ALPK2: variants seen among roughly 807,000 people sequenced by gnomAD.
The protein encoded by ALPK2 is alpha kinase 2.
ALPK2 carries 127 observed loss-of-function variants against 163.1 expected under a neutral mutation model. That is an observed-to-expected ratio of 0.78 (90% CI 0.67 to 0.90). The LOEUF (loss-of-function observed/expected upper bound fraction) is 0.90, where lower values mean the gene tolerates loss of function less well. Among genes scored for constraint, ALPK2 ranks in the 40% least tolerant of loss-of-function variants. ALPK2 has a pLI of 0.00. For missense variants in ALPK2, 2,360 were observed against 2,589.6 expected (o/e 0.91, Z 1.92); for synonymous variants, 953 against 959.1 (o/e 0.99, Z 0.12).
chr18:58,575,981 A>G (rs181804834), intron 4 of ALPK2, among the ~76,000 whole-genome samples: 1 of 152,318 alleles, frequency 6.6e-6, no homozygotes, highest in African/African-American at 2.4e-5. Context: ...CATGCTAAAA[A>G]CGGTATGCAG....
intron 4 of ALPK2, among the ~76,000 whole-genome samples, chr18:58,572,751 T>A (rs1602223967): frequency 6.6e-6 from 1 of 152,118 alleles, no homozygotes; most frequent in Non-Finnish European, 1.5e-5. Flanking sequence ...TTATTAAGGG[T>A]AATGCAAGGG....
intron 4 of ALPK2, among the ~76,000 whole-genome samples, chr18:58,577,517 C>T (rs1215169192): frequency 6.6e-6 from 1 of 152,192 alleles, no homozygotes; most frequent in African/African-American, 2.4e-5. Flanking sequence ...TTAACATTGT[C>T]ACTTTATTTT....
intron 3 of ALPK2, among the ~76,000 whole-genome samples, chr18:58,581,926 C>A (rs903072364): frequency 6.6e-6 from 1 of 152,230 alleles, no homozygotes; most frequent in Non-Finnish European, 1.5e-5. Context: ...CTCTTCCCCA[C>A]TGAAGGGACC....
In ALPK2 at chr18:58,537,999, G is replaced by C; in HGVS notation, c.2188C>G (p.Pro730Ala). The C allele has an allele frequency of 6.2e-7, 1 of 1,614,180 alleles. No homozygotes were observed. Among genetic ancestry groups the C allele is most frequent in the Non-Finnish European group, 8.5e-7 (1 of 1,180,026 alleles). Residue 730 changes from proline to alanine, a missense_variant, in exon 5 of 13, where the codon CCT (proline) becomes GCT (alanine). Transcript: ENST00000361673. ...TTTAGGTCTTCCCTGAAATTGTCAGGTATGTTGCCATCTCTGTCTTGTTTT... is the reference window on the plus strand; with the variant it reads ...TTTAGGTCTTCCCTGAAATTGTCAGCTATGTTGCCATCTCTGTCTTGTTTT... ...EEKQDRDGNI[P>A]DNFREDLKYE...
intron 4 of ALPK2, among the ~76,000 whole-genome samples, chr18:58,560,729 C>G (rs138381114): frequency 1.3e-5 from 2 of 152,216 alleles, no homozygotes; most frequent in African/African-American, 4.8e-5. Context: ...CATACTGTTA[C>G]GTGGGCATGG....
At chr18:58,527,647 A>C (rs1344387624) in intron 6 of ALPK2, among the ~76,000 whole-genome samples, 1 of 152,252 alleles carries the variant, frequency 6.6e-6, no homozygotes, top group East Asian at 1.9e-4. Context: ...TCAGAAAATA[A>C]TTTAAAATGA....
chr18:58,588,838 A>G (rs1338151083), intron 3 of ALPK2, among the ~76,000 whole-genome samples: 1 of 152,058 alleles, frequency 6.6e-6, no homozygotes, highest in East Asian at 1.9e-4. Context: ...TCTATTGTTG[A>G]TGGGCATTTG....
chr18:58,517,529 G>A (rs1171291077), intron 8 of ALPK2, among the ~76,000 whole-genome samples: 1 of 152,034 alleles, frequency 6.6e-6, no homozygotes, highest in Non-Finnish European at 1.5e-5. Context: ...TGTAGAGGAG[G>A]GAAGAAAGAC....
chr18:58,546,692 T>A (rs1298061804), intron 4 of ALPK2, among the ~76,000 whole-genome samples: 1 of 152,120 alleles, frequency 6.6e-6, no homozygotes, highest in African/African-American at 2.4e-5. Flanking sequence ...GCGGGGACCA[T>A]GTAATGGCAA....
chr18:58,556,683 G>C (rs545209530), intron 4 of ALPK2, among the ~76,000 whole-genome samples: 8 of 152,108 alleles, frequency 5.3e-5, no homozygotes, highest in Non-Finnish European at 1.2e-4. Flanking sequence ...AGAAATGCAT[G>C]GTCTCAGGCT....
Position 58,536,384 on chromosome 18 carries a change from AT to A in ALPK2, c.3802del (p.Ile1268PhefsTer12). On this transcript the variant is annotated frameshift_variant, in exon 5 of 13. Coordinates refer to ENST00000361673, the MANE Select transcript of ALPK2 (RefSeq NM_052947.4). ...AGGTACAGCCCAGACCTTGTCAGGA[AT>A]TATGAGACCACCGTCTGATGCCTTG... ...ESKASDGGLI[I>X]PDKVWAVPDS... The A allele has an allele frequency of 6.2e-7, 1 of 1,614,218 alleles. No homozygotes were observed. The highest frequency in any genetic ancestry group is 8.5e-7 in the Non-Finnish European group (1 of 1,180,024).
intron 4 of ALPK2, among the ~76,000 whole-genome samples, chr18:58,566,138 A>T (rs1602221488): frequency 6.6e-6 from 1 of 152,228 alleles, no homozygotes; most frequent in South Asian, 2.1e-4. Flanking sequence ...ATTTTGAAAA[A>T]TTTTTTCAGT....
chr18:58,516,807 T>C (rs540144561), intron 9 of ALPK2, 101 bp downstream of exon 9: 1 of 1,369,142 alleles, frequency 7.3e-7, no homozygotes, highest in African/African-American at 1.4e-5. Flanking sequence ...AAAAACACCC[T>C]TTTGAAGATA....
chr18:58,535,646 T>C lies in ALPK2; in HGVS notation c.4541A>G (p.Gln1514Arg), dbSNP rs200845829. Residue 1514 changes from glutamine to arginine, a missense_variant, in exon 5 of 13, where the codon CAA becomes CGA. Transcript: ENST00000361673. Reference protein sequence around the residue: ...IPSGCSIGQIQESSDGSLGEA... With the variant: ...IPSGCSIGQIRESSDGSLGEA... ...CCCTAAGCTCCCATCACTGCTTTCT[T>C]GTATTTGGCCTATGCTACATCCACT... The C allele has an allele frequency of 6.2e-7, 1 of 1,614,262 alleles. No individual in the cohort carries two copies. The highest frequency in any genetic ancestry group is 2.2e-5 in the East Asian group (1 of 44,892).
At chr18:58,605,085 T>C (rs1480187248) in intron 3 of ALPK2, among the ~76,000 whole-genome samples, 1 of 152,160 alleles carries the variant, frequency 6.6e-6, no homozygotes, top group Non-Finnish European at 1.5e-5. Flanking sequence ...TATGTGTTGA[T>C]TGCTCAGAGG....
chr18:58,503,156 T>C (rs1163076863), intron 11 of ALPK2, among the ~76,000 whole-genome samples: 2 of 152,272 alleles, frequency 1.3e-5, no homozygotes, highest in Non-Finnish European at 2.9e-5. Flanking sequence ...GAAGAAATGG[T>C]ATTCCTAAAC....
At chr18:58,555,679 G>C (rs1701696219) in intron 4 of ALPK2, among the ~76,000 whole-genome samples, 1 of 152,220 alleles carries the variant, frequency 6.6e-6, no homozygotes, top group Non-Finnish European at 1.5e-5. Context: ...TGGAGAATGG[G>C]AGGGGCATGC....
intron 4 of ALPK2, among the ~76,000 whole-genome samples, chr18:58,569,565 C>A (rs2051874324): frequency 6.6e-6 from 1 of 152,134 alleles, no homozygotes; most frequent in Non-Finnish European, 1.5e-5. Flanking sequence ...GCATTTCTAA[C>A]CAGCTGGTCC....
chr18:58,484,054 C>T (rs939260609), intron 12 of ALPK2, among the ~76,000 whole-genome samples: 4 of 152,292 alleles, frequency 2.6e-5, no homozygotes, highest in East Asian at 1.9e-4. Context: ...GCAGAGGTCA[C>T]TCTTTGCTCA....
Sources: allele counts gnomAD v4.1 joint callset (sites outside exome capture counted in the v4.1 genomes callset), GRCh38; gene constraint gnomAD v4.1.1; transcripts MANE v1.5; gene names NCBI Gene and HGNC (gene_info 2026-07-23, HGNC 2026-07-21).